Variants in ARL3 observed in about 807,000 individuals in gnomAD.
The protein encoded by ARL3 is ADP-ribosylation factor-like protein 3.
In ARL3, 9 loss-of-function variants were observed where a neutral mutation model predicts 26.0. That is an observed-to-expected ratio of 0.35 (90% CI 0.21 to 0.60). The LOEUF is 0.60. ARL3 is among the 20% of genes least tolerant of loss of function. ARL3 has a pLI of 0.78. For missense variants in ARL3, 158 were observed against 215.7 expected, an observed-to-expected ratio of 0.73 and a Z score of 1.67; for synonymous variants, 71 against 78.4, an observed-to-expected ratio of 0.91 and a Z score of 0.50.
At position 102,699,444 on chromosome 10, in the gene ARL3, C is replaced by T. The variant is rs1564732297; in HGVS notation, c.193G>A (p.Val65Ile). 1 of 1,612,960 alleles carries T rather than the reference C, an allele frequency of 6.2e-7. No homozygotes were observed. Among genetic ancestry groups the T allele is most frequent in the Non-Finnish European group, 8.5e-7 (1 of 1,179,316 alleles). Residue 65 changes from valine (V) to isoleucine (I), a missense_variant, in exon 3 of 6, where the codon GTA (valine) becomes ATA (isoleucine). Val to Ile is a conservative substitution (Grantham distance 29, BLOSUM62 3). Transcript: ENST00000260746. Reference sequence around the variant, plus strand: ...TTCCTCTGTCCACCAATGTCCCATACATTCAGTTTAAAACCTTGTGATTGT... The same window carrying T: ...TTCCTCTGTCCACCAATGTCCCATATATTCAGTTTAAAACCTTGTGATTGT... ...SVQSQGFKLN[V>I]WDIGGQRKIR...
intron 2 of ARL3, 55 bp downstream of exon 2, chr10:102,705,291 T>C (rs1487031796): frequency 6.7e-7 from 1 of 1,491,026 alleles, no homozygotes; most frequent in African/African-American, 1.4e-5. Flanking sequence ...GTCTTTCACA[T>C]TGCTATTATC....
In ARL3 at chr10:102,714,389, C is replaced by A. The variant is rs1387392445; in HGVS notation, c.-114G>T. On this transcript the variant is annotated 5_prime_UTR_variant, in exon 1 of 6. Transcript: ENST00000260746. The stretch of plus-strand genomic sequence containing the variant: ...TCGCACGCACAGCTGAGGAGCTGAG[C>A]AGCAATACGGGGCGGGGTGCAGCTC... 3 of 1,128,402 alleles carry A rather than the reference C, an allele frequency of 2.7e-6. No individual in the cohort carries two copies. The East Asian group carries it at 9.4e-5, about 35-fold the overall frequency. The allele number at this position is 1,128,402 out of a possible 1,614,324, so 69.9% of individuals were successfully genotyped here. A position where few individuals can be genotyped will look rare whatever the true frequency, so the allele number is the denominator to read the frequency against.
chr10:102,699,176 C>T (rs1017116328), intron 3 of ARL3, among the ~76,000 whole-genome samples, 197 bp downstream of exon 3: 5 of 152,138 alleles, frequency 3.3e-5, no homozygotes, highest in South Asian at 2.1e-4. Flanking sequence ...TGTTACTGAG[C>T]GACAGCAAAA....
In ARL3 at chr10:102,674,810, G is replaced by A. The variant is rs1011645061; in HGVS notation, c.*2084C>T. The A allele has an allele frequency of 6.6e-6, 1 of 152,220 alleles. No individual in the cohort carries two copies. The highest frequency in any genetic ancestry group is 1.5e-5 in the Non-Finnish European group (1 of 68,054). 9.4% of individuals were successfully genotyped at this position (152,220 alleles called of 1,614,324 possible). On this transcript the variant is annotated 3_prime_UTR_variant, in exon 6 of 6. Coordinates refer to ENST00000260746, the MANE Select transcript of ARL3 (RefSeq NM_004311.4). The stretch of plus-strand genomic sequence containing the variant: ...AGTGTCTCTGTGTCTCTGCAGCTGA[G>A]AGCAAATCAGAACATTTACAGAGGC...
In ARL3 at chr10:102,685,858, CCA is replaced by C. The variant is rs1447811664; in HGVS notation, c.457_458del (p.Trp153AlafsTer69). 6.2e-7 allele frequency: 1 copy of C among 1,613,850 alleles called. No homozygotes were observed. Among genetic ancestry groups the C allele is most frequent in the Non-Finnish European group, 8.5e-7 (1 of 1,179,916 alleles). On this transcript the variant is annotated frameshift_variant, in exon 5 of 6. Coordinates refer to ENST00000260746, the MANE Select transcript of ARL3 (RefSeq NM_004311.4). LOFTEE classifies it high-confidence loss of function. Reference protein sequence around the residue: ...LNLHTIRDRVWQIQSCSALTG... With the variant: ...LNLHTIRDRVXQIQSCSALTG... ...TGAGAGCTGAGCAAGACTGGATCTG[CCA>C]GACTCGGTCGCGGATGGTATGCAGG...
rs2064182718 is a variant in ARL3, at chr10:102,686,034, TA to T, written c.316-34del. 3 of 1,559,586 alleles carry T rather than the reference TA, an allele frequency of 1.9e-6. No individual in the cohort carries two copies. In the Admixed American group the frequency reaches 5.3e-5, roughly 27 times the overall value. On this transcript the variant is annotated intron_variant, in intron 4 of 5. Transcript: ENST00000260746. ...TTGAGAAGGGAGAGGGAGGGAAGGT[TA>T]AAATCTATACATCTATGATATTTAA... is the stretch of plus-strand genomic sequence containing the variant.
At chr10:102,689,557 C>T (rs530980501) in intron 4 of ARL3, among the ~76,000 whole-genome samples, 17 of 152,160 alleles carry the variant, frequency 1.1e-4, no homozygotes, top group South Asian at 4.1e-4. Flanking sequence ...CTAGGCTGGG[C>T]GTGGTGGCTC....
At chr10:102,708,711 C>G (rs976919184) in intron 1 of ARL3, among the ~76,000 whole-genome samples, 1 of 151,424 alleles carries the variant, frequency 6.6e-6, no homozygotes, top group Non-Finnish European at 1.5e-5. Flanking sequence ...ACAAAATTAG[C>G]CGGGTATGGT....
At chr10:102,683,747 T>C (rs1564728859) in intron 5 of ARL3, among the ~76,000 whole-genome samples, 1 of 152,164 alleles carries the variant, frequency 6.6e-6, no homozygotes, top group African/African-American at 2.4e-5. Flanking sequence ...TGAAGGGCAC[T>C]GTCTACGGTG....
At chr10:102,681,679 G>A (rs1371038580) in intron 5 of ARL3, among the ~76,000 whole-genome samples, 1 of 152,114 alleles carries the variant, frequency 6.6e-6, no homozygotes, top group East Asian at 1.9e-4. Flanking sequence ...GTGGCCTGGA[G>A]AGCAGCACCC....
At chr10:102,710,832 G>T (rs1214831914) in intron 1 of ARL3, among the ~76,000 whole-genome samples, 2 of 152,212 alleles carry the variant, frequency 1.3e-5, no homozygotes, top group African/African-American at 4.8e-5. Flanking sequence ...GAATAGATGT[G>T]CTATGGACTA....
At chr10:102,705,531 G>T in intron 1 of ARL3, 42 bp from the exon 2 acceptor site, 1 of 1,493,528 alleles carries the variant, frequency 6.7e-7, no homozygotes, top group Non-Finnish European at 9.1e-7. Flanking sequence ...TGGGGGCACT[G>T]ACTGTGATAT....
At chr10:102,684,431 G>C (rs1159479496) in intron 5 of ARL3, among the ~76,000 whole-genome samples, 1 of 151,968 alleles carries the variant, frequency 6.6e-6, no homozygotes, top group African/African-American at 2.4e-5. Context: ...TTACAGGTGT[G>C]AGCCACCACA....
rs1211448017 is a variant in ARL3 at position 102,681,163 on chromosome 10, G to A, written c.502-4222C>T. ...AGCACTTTGGGAGGCTGAGGCAGGC[G>A]GATCACCTGAGGTCAGGAGTTCGAG... is the stretch of plus-strand genomic sequence containing the variant. On this transcript the variant is annotated intron_variant, in intron 5 of 5. Transcript: ENST00000260746. Among the ~76,000 whole-genome samples the A allele has an allele frequency of 2.6e-5, 4 of 152,084 alleles. No homozygotes were observed. In the East Asian group the frequency reaches 5.8e-4, roughly 22 times the overall value.
chr10:102,694,284 C>T (rs1007429053), intron 3 of ARL3, among the ~76,000 whole-genome samples: 1 of 152,212 alleles, frequency 6.6e-6, no homozygotes. Flanking sequence ...CCACCGCGCC[C>T]GGCTGCTTCC....
intron 1 of ARL3, among the ~76,000 whole-genome samples, chr10:102,712,528 T>A (rs1210217092): frequency 6.6e-6 from 1 of 152,272 alleles, no homozygotes; most frequent in Non-Finnish European, 1.5e-5. Flanking sequence ...ACAACAGTTG[T>A]ATACAACAGT....
At chr10:102,708,908 A>ATATATATATATATATTTTTTT in intron 1 of ARL3, among the ~76,000 whole-genome samples, 2 of 95,348 alleles carry the variant, frequency 2.1e-5, no homozygotes, top group African/African-American at 8.4e-5. Flanking sequence ...ATATATATAT[A>ATATATATATATATATTTTTTT]TTTTTTTTTT....
chr10:102,689,912 C>A lies in ARL3; in HGVS notation c.296G>T (p.Arg99Ile), dbSNP rs1590122229. Reference protein sequence around the residue: ...IYVIDSADRKRFEETGQELAE... With the variant: ...IYVIDSADRKIFEETGQELAE... ...ATTTACCTGACCCGTCTCTTCAAAT[C>A]TTTTTCTGTCTGCACTGTCGATTAC... The change falls in exon 4 of 6, where the codon AGA (arginine) becomes ATA (isoleucine). Residue 99 changes from arginine to isoleucine, a missense_variant. By Grantham distance (97) the Arg-to-Ile change is moderately conservative (BLOSUM62 -3). Coordinates refer to ENST00000260746, the MANE Select transcript of ARL3 (RefSeq NM_004311.4). The A allele has an allele frequency of 1.3e-6, 2 of 1,597,018 alleles. No individual in the cohort carries two copies. The highest frequency in any genetic ancestry group is 2.2e-5 in the South Asian group (2 of 89,544).
chr10:102,701,141 C>A (rs1303603607), intron 2 of ARL3, among the ~76,000 whole-genome samples: 1 of 152,086 alleles, frequency 6.6e-6, no homozygotes, highest in Non-Finnish European at 1.5e-5. Context: ...TGGAAAGAAA[C>A]AAATTAACAA....
Sources: gnomAD v4.1 joint callset for allele counts (sites outside exome capture counted in the v4.1 genomes callset) on GRCh38, gnomAD v4.1.1 for gene constraint, MANE v1.5 for transcripts, NCBI Gene and HGNC (gene_info 2026-07-23, HGNC 2026-07-21) for gene names.